Variants in PIK3CB observed in about 807,000 individuals in gnomAD.
PIK3CB encodes the protein phosphatidylinositol-4,5-bisphosphate 3-kinase catalytic subunit beta.
Under a neutral mutation model 136.8 loss-of-function variants are expected in PIK3CB, and 39 were observed. The ratio of observed to expected loss-of-function variants is 0.29; its 90% confidence interval spans 0.22 to 0.37. The LOEUF (loss-of-function observed/expected upper bound fraction) is 0.37. Among genes scored for constraint, PIK3CB ranks in the 10% least tolerant of loss-of-function variants. The pLI, the probability that PIK3CB is intolerant of heterozygous loss-of-function variation, is 1.00. For synonymous variants in PIK3CB, 428 were observed against 436.6 expected, an observed-to-expected ratio of 0.98 and a Z score of 0.25; for missense variants, 868 against 1,275.4, an observed-to-expected ratio of 0.68 and a Z score of 4.87.
At chr3:138,808,075 A>T (rs942051013) in intron 1 of PIK3CB, among the ~76,000 whole-genome samples, 3 of 152,016 alleles carry the variant, frequency 2.0e-5, no homozygotes. Context: ...AATCAGATTG[A>T]GGGCTAGGAA....
intron 4 of PIK3CB, among the ~76,000 whole-genome samples, chr3:138,746,451 G>A (rs897651669): frequency 2.0e-5 from 3 of 152,096 alleles, no homozygotes; most frequent in Non-Finnish European, 4.4e-5. Context: ...ACGAGGTCAG[G>A]AGATTGAGAC....
chr3:138,656,311 T>TA (rs2043190733), intron 22 of PIK3CB, 37 bp from the exon 23 acceptor site: 3 of 1,610,992 alleles, frequency 1.9e-6, no homozygotes, highest in Non-Finnish European at 2.5e-6. Context: ...AGCACAGTGT[T>TA]AGAGGGGAGA....
chr3:138,710,023 C>A (rs981351737), intron 10 of PIK3CB, among the ~76,000 whole-genome samples: 987 of 91,436 alleles, frequency 0.011, no homozygotes, highest in Non-Finnish European at 0.013. Flanking sequence ...ACAAAAAATA[C>A]AAAAAAAAAA....
chr3:138,736,519 A>C (rs2045107611), intron 6 of PIK3CB, among the ~76,000 whole-genome samples: 1 of 152,222 alleles, frequency 6.6e-6, no homozygotes, highest in Non-Finnish European at 1.5e-5. Context: ...ACTTATAATA[A>C]TATTCCTTAC....
chr3:138,704,495 T>A lies in PIK3CB; in HGVS notation c.1531-2A>T. 1 of 1,598,714 alleles carries A rather than the reference T, an allele frequency of 6.3e-7. No individual in the cohort carries two copies. The highest frequency in any genetic ancestry group is 2.2e-5 in the East Asian group (1 of 44,806). On this transcript the variant is annotated splice_acceptor_variant, in intron 11 of 23. Coordinates refer to ENST00000674063, the MANE Select transcript of PIK3CB (RefSeq NM_006219.3). LOFTEE classifies it high-confidence loss of function. ...AATCTCAGCTGCCTTTTCAATAATC[T>A]GTTTAAAAAAATTAAAGAAAATGAA...
At chr3:138,711,623 C>T (rs932774629) in intron 10 of PIK3CB, among the ~76,000 whole-genome samples, 1 of 149,288 alleles carries the variant, frequency 6.7e-6, no homozygotes, top group Non-Finnish European at 1.5e-5. Context: ...CTATTTCATT[C>T]CTAAATATGG....
chr3:138,759,662 T>G (rs527869439), intron 2 of PIK3CB, among the ~76,000 whole-genome samples: 1 of 152,162 alleles, frequency 6.6e-6, no homozygotes, highest in African/African-American at 2.4e-5. Flanking sequence ...CACATACATA[T>G]GTACACACAC....
At chr3:138,745,441 T>G (rs1198028338) in intron 4 of PIK3CB, among the ~76,000 whole-genome samples, 1 of 152,152 alleles carries the variant, frequency 6.6e-6, no homozygotes, top group East Asian at 1.9e-4. Context: ...AAGACCAGCC[T>G]GGCCAACATG....
At chr3:138,679,936 T>TAAAAAAAAAAAAAAAAAAAAAAAAAAAAA (rs61222749) in intron 19 of PIK3CB, among the ~76,000 whole-genome samples, 1 of 110,850 alleles carries the variant, frequency 9.0e-6, no homozygotes. Flanking sequence ...AACACAAAAG[T>TAAAAAAAAAAAAAAAAAAAAAAAAAAAAA]AAAAAAAAAA....
At chr3:138,776,496 C>T (rs2045860139) in intron 2 of PIK3CB, among the ~76,000 whole-genome samples, 7 of 152,038 alleles carry the variant, frequency 4.6e-5, no homozygotes. Context: ...CGAAACCAGC[C>T]TGGGCAACTT....
intron 1 of PIK3CB, among the ~76,000 whole-genome samples, chr3:138,829,307 T>G (rs996654149): frequency 6.6e-6 from 1 of 152,090 alleles, no homozygotes; most frequent in Non-Finnish European, 1.5e-5. Flanking sequence ...CAGATAAAGT[T>G]TGGATTTACT....
intron 12 of PIK3CB, among the ~76,000 whole-genome samples, chr3:138,702,798 G>C (rs933565962): frequency 6.6e-6 from 1 of 151,924 alleles, no homozygotes; most frequent in African/African-American, 2.4e-5. Context: ...ACTAGTCTCT[G>C]AGATTGCTTC....
chr3:138,691,472 C>A (rs1236066989), intron 14 of PIK3CB, among the ~76,000 whole-genome samples: 1 of 152,126 alleles, frequency 6.6e-6, no homozygotes, highest in Non-Finnish European at 1.5e-5. Context: ...GTCAAAGGAG[C>A]ATCCTGGTGG....
At chr3:138,756,016 C>T in intron 3 of PIK3CB, 37 bp from the exon 4 acceptor site, 2 of 1,179,786 alleles carry the variant, frequency 1.7e-6, no homozygotes, top group Non-Finnish European at 2.5e-6. Flanking sequence ...GGAATGGAAA[C>T]ACTTGCTCAA....
chr3:138,696,415 G>C (rs1442131829), intron 13 of PIK3CB, among the ~76,000 whole-genome samples: 1 of 151,698 alleles, frequency 6.6e-6, no homozygotes, highest in African/African-American at 2.4e-5. Context: ...CAAATTCCTA[G>C]ACTCAAGTGA....
intron 4 of PIK3CB, among the ~76,000 whole-genome samples, chr3:138,751,946 G>A (rs1196141534): frequency 1.4e-5 from 2 of 145,936 alleles, no homozygotes; most frequent in African/African-American, 5.1e-5. Context: ...ACTCCAGCCT[G>A]GGCAACAAAG....
chr3:138,718,405 G>C (rs1448592883), intron 8 of PIK3CB, among the ~76,000 whole-genome samples: 3 of 151,992 alleles, frequency 2.0e-5, no homozygotes, highest in Non-Finnish European at 4.4e-5. Context: ...ATTCCTTATA[G>C]ATACTGGCTA....
intron 9 of PIK3CB, 40 bp downstream of exon 9, chr3:138,714,428 C>A (rs771351830): frequency 7.2e-7 from 1 of 1,386,296 alleles, no homozygotes; most frequent in East Asian, 2.3e-5. Context: ...AAAATTATTC[C>A]GTTATATAAA....
intron 1 of PIK3CB, among the ~76,000 whole-genome samples, chr3:138,823,346 ATAGT>A (rs1314118403): frequency 3.3e-5 from 5 of 152,122 alleles, no homozygotes; most frequent in Non-Finnish European, 7.4e-5. Flanking sequence ...TGAAATATGA[ATAGT>A]TATTGTATAA....
Sources: gnomAD v4.1 joint callset for allele counts (sites outside exome capture counted in the v4.1 genomes callset) on GRCh38, gnomAD v4.1.1 for gene constraint, MANE v1.5 for transcripts, NCBI Gene and HGNC (gene_info 2026-07-23, HGNC 2026-07-21) for gene names.